PUDP: variants seen among roughly 807,000 people sequenced by gnomAD.
PUDP encodes the protein pseudouridine-5'-phosphatase.
A neutral mutation model predicts 9.4 loss-of-function variants in PUDP; 8 were observed. That is an observed-to-expected ratio of 0.85 (90% confidence interval 0.50 to 1.53). PUDP has a LOEUF of 1.53. PUDP is among the 40% of genes most tolerant of loss of function. The probability of loss-of-function intolerance (pLI) is 0.00; values close to 1 mark genes in which losing one functional copy is unlikely to be tolerated. For missense variants in PUDP, 188 were observed against 189.7 expected (o/e 0.99, Z 0.05); for synonymous variants, 99 against 80.7 (o/e 1.23, Z -1.22).
At chrX:6,724,268 C>T (rs752778406), upstream of PUDP, among the ~76,000 whole-genome samples, 120 of 110,894 alleles carry the variant, frequency 1.1e-3, no homozygotes, top group Non-Finnish European at 1.5e-3. Context: ...TACAATATCT[C>T]AAACAATAAA....
chrX:6,713,596 A>G (rs774862764), intron 1 of PUDP, among the ~76,000 whole-genome samples: 20 of 112,047 alleles, frequency 1.8e-4, no homozygotes, highest in Non-Finnish European at 3.8e-4. Context: ...TCAACTTACT[A>G]TATTTATTAT....
At chrX:7,121,884 TG>T (rs1212671307) in intron 1 of PUDP, among the ~76,000 whole-genome samples, 1 of 112,065 alleles carries the variant, frequency 8.9e-6, no homozygotes, top group East Asian at 2.8e-4. Context: ...CTGTAGATAT[TG>T]GGGTTAAAGA....
At chrX:6,816,222 A>G (rs746447787) in intron 3 of PUDP, among the ~76,000 whole-genome samples, 95 of 106,436 alleles carry the variant, frequency 8.9e-4, no homozygotes, top group African/African-American at 3.1e-3. Context: ...ATACATATAT[A>G]CACTATATGC....
intron 3 of PUDP, among the ~76,000 whole-genome samples, chrX:7,062,102 T>C (rs911916395): frequency 8.9e-6 from 1 of 112,263 alleles, no homozygotes; most frequent in Non-Finnish European, 1.9e-5. Flanking sequence ...AGCTGGGCTT[T>C]AATCAATAGC....
At chrX:6,752,044 G>C (rs1925098434) in intron 3 of PUDP, among the ~76,000 whole-genome samples, 1 of 111,085 alleles carries the variant, frequency 9.0e-6, no homozygotes, top group African/African-American at 3.3e-5. Flanking sequence ...CAGGCAGGTG[G>C]TGCTTTATTC....
At chrX:6,990,668 A>T (rs1288021235) in intron 1 of PUDP, among the ~76,000 whole-genome samples, 1 of 111,877 alleles carries the variant, frequency 8.9e-6, no homozygotes, top group Non-Finnish European at 1.9e-5. Context: ...CTCGCCTCAG[A>T]AGGTGGGGAC....
At chrX:6,933,853 G>A (rs1000474256) in intron 3 of PUDP, among the ~76,000 whole-genome samples, 10 of 111,523 alleles carry the variant, frequency 9.0e-5, no homozygotes, top group East Asian at 8.4e-4. Flanking sequence ...CCCAGGAGCC[G>A]ATGCGATCAA....
At chrX:6,874,998 TTTTCA>T (rs984710126) in intron 3 of PUDP, among the ~76,000 whole-genome samples, 1 of 112,382 alleles carries the variant, frequency 8.9e-6, no homozygotes, top group Non-Finnish European at 1.9e-5. Context: ...CAGCAATTAA[TTTTCA>T]TTTACGTGAG....
At chrX:7,100,562 C>T (rs747981214) in intron 2 of PUDP, among the ~76,000 whole-genome samples, 1 of 111,744 alleles carries the variant, frequency 8.9e-6, no homozygotes, top group African/African-American at 3.3e-5. Context: ...ACCTTAAGAA[C>T]AGGAACAAAG....
intron 3 of PUDP, among the ~76,000 whole-genome samples, chrX:6,817,407 G>A (rs1439844970): frequency 6.3e-5 from 7 of 111,578 alleles, no homozygotes; most frequent in Admixed American, 1.9e-4. Context: ...GAGCTACCTT[G>A]TTGTATTAAT....
chrX:6,752,443 G>C (rs1381809752), intron 3 of PUDP, among the ~76,000 whole-genome samples: 2 of 112,013 alleles, frequency 1.8e-5, no homozygotes, highest in East Asian at 2.8e-4. Context: ...TCTATGCAAA[G>C]GTGGCCTGAT....
In PUDP at chrX:6,905,221, C is replaced by T. The variant is rs187156839; in HGVS notation, c.*247+71912G>A. ...GAAGTCAGAGGTTTTGGATATGAGG[C>T]AGTGCTCTGACATTCACTGGACTCT... On this transcript the variant is annotated intron_variant and NMD_transcript_variant, in intron 3 of 3. Transcript: ENST00000655425. 4.5e-5 allele frequency among the ~76,000 whole-genome samples: 5 copies of T among 111,751 alleles called. No homozygotes were observed. The Admixed American group carries it at 4.8e-4, about 11-fold the overall frequency.
At chrX:6,758,914 A>C (rs1223495261) in intron 3 of PUDP, among the ~76,000 whole-genome samples, 2 of 111,987 alleles carry the variant, frequency 1.8e-5, no homozygotes, top group Admixed American at 9.5e-5. Context: ...GTAGGCTATG[A>C]TTACTGGCCA....
At chrX:6,763,409 A>G (rs1925250963) in intron 3 of PUDP, among the ~76,000 whole-genome samples, 1 of 112,105 alleles carries the variant, frequency 8.9e-6, no homozygotes, top group Non-Finnish European at 1.9e-5. Context: ...AACACCTTAA[A>G]ATTATGAAAT....
intron 1 of PUDP, among the ~76,000 whole-genome samples, chrX:7,037,899 A>G (rs1167478804): frequency 8.9e-6 from 1 of 111,869 alleles, no homozygotes; most frequent in Non-Finnish European, 1.9e-5. Flanking sequence ...AAATTTTACC[A>G]GTATAATGAT....
downstream of PUDP, among the ~76,000 whole-genome samples, chrX:7,046,318 G>A (rs1464511282): frequency 8.9e-6 from 1 of 111,821 alleles, no homozygotes; most frequent in Non-Finnish European, 1.9e-5. Context: ...ATACACAGAA[G>A]GACAACCATG....
intron 3 of PUDP, among the ~76,000 whole-genome samples, chrX:6,809,134 C>A (rs1602628660): frequency 1.8e-5 from 2 of 111,088 alleles, no homozygotes; most frequent in Admixed American, 1.9e-4. Flanking sequence ...AAGCTGAATT[C>A]TTTTATTTAT....
chrX:6,989,799 T>C (rs985569454), intron 1 of PUDP: 1 of 112,309 alleles, frequency 8.9e-6, no homozygotes, highest in Non-Finnish European at 1.9e-5. Context: ...TATGAGTTAA[T>C]AAGAGACATG....
chrX:6,761,358 T>C (rs753053251), intron 3 of PUDP, among the ~76,000 whole-genome samples: 1 of 112,180 alleles, frequency 8.9e-6, no homozygotes, highest in Admixed American at 9.5e-5. Context: ...CCACTAAGAA[T>C]AGGACCCTGG....
Sources: gnomAD v4.1 joint callset for allele counts (sites outside exome capture counted in the v4.1 genomes callset) on GRCh38, gnomAD v4.1.1 for gene constraint, MANE v1.5 for transcripts, NCBI Gene and HGNC (gene_info 2026-07-23, HGNC 2026-07-21) for gene names.